Variants in LINGO2 observed in about 807,000 individuals in gnomAD.
The protein encoded by LINGO2 is leucine rich repeat and Ig domain containing 2.
In LINGO2, 14 loss-of-function variants were observed where a neutral mutation model predicts 30.6. The observed-to-expected ratio is 0.46, with a 90% CI of 0.30 to 0.72. LINGO2 has a LOEUF of 0.72. Among genes scored for constraint, LINGO2 ranks in the 30% least tolerant of loss-of-function variants. The probability of loss-of-function intolerance (pLI) is 0.07; values close to 1 mark genes in which losing one functional copy is unlikely to be tolerated. For synonymous variants in LINGO2, 317 were observed against 288.5 expected (o/e 1.10, Z -1.00); for missense variants, 729 against 751.7 (o/e 0.97, Z 0.35).
chr9:28,011,016 T>TC (rs1318249043), intron 5 of LINGO2, among the ~76,000 whole-genome samples: 2 of 152,152 alleles, frequency 1.3e-5, no homozygotes, highest in African/African-American at 4.8e-5. Flanking sequence ...CCACAGCTTA[T>TC]CCCCTTGTGG....
chr9:28,035,985 T>G (rs1823916570), intron 4 of LINGO2, among the ~76,000 whole-genome samples: 1 of 152,182 alleles, frequency 6.6e-6, no homozygotes, highest in South Asian at 2.1e-4. Flanking sequence ...AGCCTCTACT[T>G]TTAAAAAATT....
chr9:28,010,490 A>T (rs1294619472), intron 5 of LINGO2, among the ~76,000 whole-genome samples: 1 of 152,142 alleles, frequency 6.6e-6, no homozygotes, highest in South Asian at 2.1e-4. Flanking sequence ...TTACATGGAA[A>T]CTCAATGTAT....
the LINGO2 span, among the ~76,000 whole-genome samples, chr9:28,781,305 T>C: frequency 6.6e-6 from 1 of 152,100 alleles, no homozygotes; most frequent in Admixed American, 6.5e-5. Flanking sequence ...AGAAGAAATT[T>C]CTAGATAGGG....
chr9:28,330,968 A>C (rs1004013472), intron 3 of LINGO2, among the ~76,000 whole-genome samples: 1 of 152,122 alleles, frequency 6.6e-6, no homozygotes, highest in Non-Finnish European at 1.5e-5. Context: ...TTCTAACTTT[A>C]TTTCTTAATG....
intron 2 of LINGO2, among the ~76,000 whole-genome samples, chr9:28,430,610 T>A (rs1481798863): frequency 6.6e-6 from 1 of 152,196 alleles, no homozygotes; most frequent in Admixed American, 6.5e-5. Flanking sequence ...GTTTTACCTA[T>A]ATTTTTCCTA....
intron 4 of LINGO2, among the ~76,000 whole-genome samples, chr9:28,161,757 C>T (rs1048756861): frequency 6.6e-6 from 1 of 151,922 alleles, no homozygotes; most frequent in African/African-American, 2.4e-5. Flanking sequence ...TCTATGAGAA[C>T]ATTATCAAAT....
the LINGO2 span, among the ~76,000 whole-genome samples, chr9:28,706,447 C>T: frequency 2.0e-5 from 3 of 152,044 alleles, no homozygotes; most frequent in Admixed American, 2.0e-4. Flanking sequence ...ATTAATGTTA[C>T]TTAGGATTAG....
the LINGO2 span, among the ~76,000 whole-genome samples, chr9:28,959,402 C>T: frequency 6.6e-6 from 1 of 150,692 alleles, no homozygotes; most frequent in Non-Finnish European, 1.5e-5. Context: ...TTATAATAAC[C>T]CAAATAATAA....
At chr9:29,079,174 T>C in the LINGO2 span, among the ~76,000 whole-genome samples, 29,940 of 151,848 alleles carry the variant, frequency 0.2, 3,101 homozygotes, top group African/African-American at 0.24. Context: ...AGATGTGCTC[T>C]GTGGATGAGC....
chr9:28,238,077 A>T (rs1171239173), intron 4 of LINGO2, among the ~76,000 whole-genome samples: 3 of 152,114 alleles, frequency 2.0e-5, no homozygotes. Context: ...CGGCATAAGG[A>T]TACAACAATT....
intron 5 of LINGO2, among the ~76,000 whole-genome samples, chr9:28,008,665 A>T (rs1215917964): frequency 6.6e-6 from 1 of 152,190 alleles, no homozygotes. Context: ...AATGAAATTT[A>T]AAAAATTGAA....
intron 4 of LINGO2, among the ~76,000 whole-genome samples, chr9:28,020,158 C>G (rs1224781069): frequency 1.3e-5 from 2 of 152,170 alleles, no homozygotes; most frequent in African/African-American, 4.8e-5. Context: ...AGCATGCAAT[C>G]CCTCTCTAAG....
At position 28,559,453 on chromosome 9, in the gene LINGO2, T is replaced by C. The variant is rs139197767; in HGVS notation, c.-364-83428A>G. On this transcript the variant is annotated intron_variant, in intron 1 of 5. Transcript: ENST00000379992. Reference sequence around the variant, plus strand: ...ATAGAATTTCAAACATAATAGGTCATTGCACATGCATTTTATTGCCTGTAA... The same window carrying C: ...ATAGAATTTCAAACATAATAGGTCACTGCACATGCATTTTATTGCCTGTAA... Among the ~76,000 whole-genome samples the C allele has an allele frequency of 4.8e-3, 726 of 152,234 alleles. 3 individuals are homozygous for C. Among genetic ancestry groups the C allele is most frequent in the Non-Finnish European group, 6.5e-3 (439 of 68,022 alleles).
chr9:29,131,902 T>TC, the LINGO2 span, among the ~76,000 whole-genome samples: 1 of 151,336 alleles, frequency 6.6e-6, no homozygotes, highest in Non-Finnish European at 1.5e-5. Context: ...ACTGTACTAA[T>TC]CCTGAGACAT....
chr9:28,177,054 A>C (rs1224244670), intron 4 of LINGO2, among the ~76,000 whole-genome samples: 1 of 152,202 alleles, frequency 6.6e-6, no homozygotes, highest in Non-Finnish European at 1.5e-5. Context: ...GGAATCCCTG[A>C]AAATTTAGGG....
chr9:28,686,003 G>A, the LINGO2 span, among the ~76,000 whole-genome samples: 1 of 151,894 alleles, frequency 6.6e-6, no homozygotes, highest in Non-Finnish European at 1.5e-5. Flanking sequence ...GTGTGTGTGT[G>A]TGTGGACAAG....
In LINGO2 at chr9:28,496,592, T is replaced by C. The variant is rs530295144; in HGVS notation, c.-364-20567A>G. ...GGGTCTCCTGAATATAGCACACTGA[T>C]GGGTCCTGACTCTTTATCCAATTTG... On this transcript the variant is annotated intron_variant, in intron 1 of 5. Coordinates refer to ENST00000379992, the Ensembl canonical transcript of LINGO2. Among the ~76,000 whole-genome samples, 4 of 152,008 alleles carry C rather than the reference T, an allele frequency of 2.6e-5. No individual in the cohort carries two copies. The South Asian group carries it at 8.3e-4, about 31-fold the overall frequency.
chr9:28,537,737 T>C (rs1821498429), intron 1 of LINGO2, among the ~76,000 whole-genome samples: 1 of 151,866 alleles, frequency 6.6e-6, no homozygotes, highest in Non-Finnish European at 1.5e-5. Flanking sequence ...GTGTGTACCA[T>C]AGCAATTCTA....
At chr9:28,374,165 A>G (rs1037055078) in intron 2 of LINGO2, among the ~76,000 whole-genome samples, 2 of 149,884 alleles carry the variant, frequency 1.3e-5, no homozygotes, top group African/African-American at 2.5e-5. Flanking sequence ...TTGATACATC[A>G]ATATATGTAA....
Sources: allele counts gnomAD v4.1 joint callset (sites outside exome capture counted in the v4.1 genomes callset), GRCh38; gene constraint gnomAD v4.1.1; transcripts MANE v1.5; gene names NCBI Gene and HGNC (gene_info 2026-07-23, HGNC 2026-07-21).